Variants in BAZ2B observed in about 807,000 individuals in gnomAD.
BAZ2B encodes the protein bromodomain adjacent to zinc finger domain 2B.
BAZ2B carries 91 observed loss-of-function variants against 246.0 expected under a neutral mutation model. The ratio of observed to expected loss-of-function variants is 0.37; its 90% CI spans 0.31 to 0.44. The LOEUF is 0.44. Ranked by LOEUF, BAZ2B falls within the 20% of genes least tolerant of loss-of-function variation. BAZ2B has a pLI of 1.00. For missense variants in BAZ2B, 2,332 were observed against 2,533.7 expected, an observed-to-expected ratio of 0.92 and a Z score of 1.71; for synonymous variants, 855 against 860.0, an observed-to-expected ratio of 0.99 and a Z score of 0.10.
intron 33 of BAZ2B, among the ~76,000 whole-genome samples, chr2:159,334,631 T>G (rs915999483): frequency 1.4e-4 from 21 of 152,192 alleles, no homozygotes; most frequent in Admixed American, 2.6e-4. Context: ...TTATTAAGCA[T>G]TTTAAAAAGG....
At chr2:159,536,685 G>A (rs2086037004) in intron 2 of BAZ2B, among the ~76,000 whole-genome samples, 1 of 152,160 alleles carries the variant, frequency 6.6e-6, no homozygotes, top group Admixed American at 6.5e-5. Context: ...TCAGTTGCGT[G>A]TAACTGCTCA....
Position 159,325,909 on chromosome 2 carries a change from G to T in BAZ2B, c.5953C>A (p.Gln1985Lys). The T allele has an allele frequency of 6.3e-7, 1 of 1,583,252 alleles. No individual in the cohort carries two copies. The highest frequency in any genetic ancestry group is 1.2e-5 in the South Asian group (1 of 84,174). ...TGAAGTTTTTTGATTTTTAGAGTTTGACCACTTGCCTTTAATTTAAAAAAA... is the reference window on the plus strand; with the variant it reads ...TGAAGTTTTTTGATTTTTAGAGTTTTACCACTTGCCTTTAATTTAAAAAAA... ...CPACIAKASGQTLKIKKLHVK... is the reference protein window; with the variant it reads ...CPACIAKASGKTLKIKKLHVK... The change falls in exon 35 of 37, where the codon CAA (glutamine) becomes AAA (lysine). Residue 1985 changes from glutamine (Q) to lysine (K), a missense_variant. Gln to Lys is a moderately conservative substitution (Grantham distance 53, BLOSUM62 1). This residue lies in a region of BAZ2B where 210 missense variants were observed against 232.5 expected (regional missense o/e 0.90). Transcript: ENST00000392783.
intron 2 of BAZ2B, among the ~76,000 whole-genome samples, chr2:159,532,964 T>A (rs1163374318): frequency 1.3e-5 from 2 of 152,022 alleles, no homozygotes; most frequent in South Asian, 2.1e-4. Flanking sequence ...AAAAACAAAA[T>A]CATGACTTCA....
chr2:159,537,623 G>A (rs2086171871), intron 2 of BAZ2B, among the ~76,000 whole-genome samples: 1 of 152,152 alleles, frequency 6.6e-6, no homozygotes. Flanking sequence ...GCTAATTGCT[G>A]AGCCTTTCGG....
In BAZ2B at chr2:159,432,994, C is replaced by T. The variant is rs1397545576; in HGVS notation, c.1663G>A (p.Ala555Thr). The T allele has an allele frequency of 5.0e-6, 8 of 1,614,160 alleles. No homozygotes were observed. The highest frequency in any genetic ancestry group is 6.8e-6 in the Non-Finnish European group (8 of 1,180,022). Reference sequence around the variant, plus strand: ...CCTTGACTATGCAGGATGGGAGAGGCAGAGGGCATTACAGGTGTCTGATTG... The same window carrying T: ...CCTTGACTATGCAGGATGGGAGAGGTAGAGGGCATTACAGGTGTCTGATTG... ...PGNQTPVMPS[A>T]SPILHSQGKE... Residue 555 changes from alanine to threonine, a missense_variant, in exon 9 of 37, where the codon GCC becomes ACC. Ala to Thr is a moderately conservative substitution (Grantham distance 58, BLOSUM62 0). Transcript: ENST00000392783.
At chr2:159,693,847 G>C in the BAZ2B span, 2 of 151,976 alleles carry the variant, frequency 1.3e-5, no homozygotes, top group Admixed American at 1.3e-4. Flanking sequence ...GGGACTGACA[G>C]GTGTGTACTA....
intron 25 of BAZ2B, among the ~76,000 whole-genome samples, chr2:159,376,362 C>T (rs2061413640): frequency 6.6e-6 from 1 of 151,928 alleles, no homozygotes; most frequent in African/African-American, 2.4e-5. Flanking sequence ...CAACCACACA[C>T]AAATATATAT....
chr2:159,506,337 C>G (rs1346655508), intron 2 of BAZ2B, among the ~76,000 whole-genome samples: 1 of 152,172 alleles, frequency 6.6e-6, no homozygotes, highest in Non-Finnish European at 1.5e-5. Context: ...ATGGAACCTA[C>G]TGACCCAGCT....
At chr2:159,448,923 T>A (rs1348486884) in intron 4 of BAZ2B, among the ~76,000 whole-genome samples, 2 of 152,188 alleles carry the variant, frequency 1.3e-5, no homozygotes, top group African/African-American at 2.4e-5. Context: ...ACTTCTATAC[T>A]TAAAGATAAC....
chr2:159,336,771 G>A (rs1444501277), intron 33 of BAZ2B, among the ~76,000 whole-genome samples, 171 bp downstream of exon 33: 1 of 152,128 alleles, frequency 6.6e-6, no homozygotes, highest in South Asian at 2.1e-4. Flanking sequence ...CATTTGAAAG[G>A]TTCCTTCAGT....
chr2:159,391,726 A>C (rs1391525364), intron 20 of BAZ2B, among the ~76,000 whole-genome samples: 1 of 152,150 alleles, frequency 6.6e-6, no homozygotes, highest in Non-Finnish European at 1.5e-5. Flanking sequence ...GACATGCAAT[A>C]CTTTTTTCCA....
chr2:159,698,541 AG>A, the BAZ2B span, among the ~76,000 whole-genome samples: 152 of 148,056 alleles, frequency 1.0e-3, 1 homozygote, highest in African/African-American at 2.9e-3. Flanking sequence ...AAAAAAACAA[AG>A]AAAAAGAGAA....
intron 2 of BAZ2B, among the ~76,000 whole-genome samples, chr2:159,521,020 T>C (rs1014029758): frequency 6.6e-6 from 1 of 152,124 alleles, no homozygotes; most frequent in Non-Finnish European, 1.5e-5. Flanking sequence ...AATCTCAATA[T>C]ATAATTCTGC....
chr2:159,610,476 A>C (rs147618288), intron 1 of BAZ2B, among the ~76,000 whole-genome samples: 39 of 152,338 alleles, frequency 2.6e-4, no homozygotes, highest in Admixed American at 1.2e-3. Context: ...TAATGAGTGC[A>C]TGTTTGTGGA....
At chr2:159,671,140 C>T in the BAZ2B span, among the ~76,000 whole-genome samples, 4 of 152,274 alleles carry the variant, frequency 2.6e-5, no homozygotes, top group East Asian at 7.7e-4. Context: ...CCTCAATATG[C>T]CTCATCCCTT....
intron 16 of BAZ2B, among the ~76,000 whole-genome samples, chr2:159,403,593 C>T (rs1014556372): frequency 3.3e-5 from 5 of 152,094 alleles, no homozygotes; most frequent in East Asian, 1.9e-4. Context: ...TATATTTTAA[C>T]GAATGCATTC....
At chr2:159,555,635 T>G (rs1328980654) in intron 2 of BAZ2B, 188 bp downstream of exon 2, 1 of 152,200 alleles carries the variant, frequency 6.6e-6, no homozygotes, top group Non-Finnish European at 1.5e-5. Context: ...TTAAATCCTT[T>G]AAAGTAATAT....
chr2:159,364,844 T>C (rs1378347458), intron 27 of BAZ2B, among the ~76,000 whole-genome samples: 1 of 152,182 alleles, frequency 6.6e-6, no homozygotes, highest in African/African-American at 2.4e-5. Flanking sequence ...ACAGGTTGCA[T>C]TTCTTATACA....
chr2:159,412,737 T>G (rs777227974), intron 13 of BAZ2B, among the ~76,000 whole-genome samples, 192 bp from the exon 14 acceptor site: 19 of 152,240 alleles, frequency 1.2e-4, no homozygotes, highest in Non-Finnish European at 2.4e-4. Context: ...AGCTTTAATA[T>G]TCTTACTTTA....
Sources: allele counts gnomAD v4.1 joint callset (sites outside exome capture counted in the v4.1 genomes callset), GRCh38; gene constraint gnomAD v4.1.1; regional missense constraint gnomAD v4.1.1; transcripts MANE v1.5; gene names NCBI Gene and HGNC (gene_info 2026-07-23, HGNC 2026-07-21).